Variants in TAF1C observed in about 807,000 individuals in gnomAD.
The protein encoded by TAF1C is TATA-box binding protein associated factor, RNA polymerase I subunit C, also known as TATA box-binding protein-associated factor RNA polymerase I subunit C.
In TAF1C, 79 loss-of-function variants were observed where a neutral mutation model predicts 70.5. The observed-to-expected ratio is 1.12, with a 90% CI of 0.93 to 1.35. The LOEUF is 1.35. TAF1C is among the 40% of genes most tolerant of loss of function. The pLI is 0.00. For synonymous variants in TAF1C, 614 were observed against 491.1 expected (o/e 1.25, Z -3.31); for missense variants, 1,412 against 1,127.8 (o/e 1.25, Z -3.61).
rs772785651 is a variant in TAF1C, at chr16:84,180,277, G to T, written c.1376C>A (p.Pro459His). ...VPMLKWNHGLPSPLLLARLLP... is the reference protein window; with the variant it reads ...VPMLKWNHGLHSPLLLARLLP... The stretch of plus-strand genomic sequence containing the variant: ...CAGTCGGGCCAGCAGGAGCGGGGAG[G>T]GGAGGCCATGGTTCCACTTCAGCAT... Residue 459 changes from proline to histidine, a missense_variant, in exon 13 of 15, where the codon CCC becomes CAC. Coordinates refer to ENST00000566732, the MANE Select transcript of TAF1C (RefSeq NM_001243156.2). 1.3e-6 allele frequency: 2 copies of T among 1,549,458 alleles called. No homozygotes were observed. The highest frequency in any genetic ancestry group is 1.7e-6 in the Non-Finnish European group (2 of 1,148,342).
rs1042376790 is a variant in TAF1C at position 84,180,308 on chromosome 16, C to A, written c.1345G>T (p.Val449Leu). Reference protein sequence around the residue: ...LYLVDERLPLVPMLKWNHGLP... With the variant: ...LYLVDERLPLLPMLKWNHGLP... ...CCATGGTTCCACTTCAGCATCGGCA[C>A]CAGGGGAAGGCGCTCGTCCACTAGG... is the stretch of plus-strand genomic sequence containing the variant. The change falls in exon 13 of 15, where the codon GTG (valine) becomes TTG (leucine). Residue 449 changes from valine (V) to leucine (L), a missense_variant. Transcript: ENST00000566732. 6 of 1,547,930 alleles carry A rather than the reference C, an allele frequency of 3.9e-6. No homozygotes were observed. Among genetic ancestry groups the A allele is most frequent in the South Asian group, 1.2e-5 (1 of 84,006 alleles).
Position 84,178,368 on chromosome 16 carries a change from G to A in TAF1C, c.*573C>T, listed in dbSNP as rs907233419. 2.2e-6 allele frequency: 1 copy of A among 456,862 alleles called. No individual in the cohort carries two copies. The highest frequency in any genetic ancestry group is 4.4e-6 in the Non-Finnish European group (1 of 227,262). The allele number at this position is 456,862 out of a possible 1,614,324, so 28.3% of individuals were successfully genotyped here. A position where few individuals can be genotyped will look rare whatever the true frequency, so the allele number is the denominator to read the frequency against. Reference sequence around the variant, plus strand: ...GGACGCTGTCCAGCCTAAAAAACGTGACCATTCCAATTCATCTTCAGCTGC... The same window carrying A: ...GGACGCTGTCCAGCCTAAAAAACGTAACCATTCCAATTCATCTTCAGCTGC... On this transcript the variant is annotated 3_prime_UTR_variant, in exon 15 of 15. Transcript: ENST00000566732.
At position 84,181,366 on chromosome 16, in the gene TAF1C, C is replaced by G. The variant is rs751167821; in HGVS notation, c.1126G>C (p.Val376Leu). 4 of 1,613,640 alleles carry G rather than the reference C, an allele frequency of 2.5e-6. No homozygotes were observed. The highest frequency in any genetic ancestry group is 3.4e-6 in the Non-Finnish European group (4 of 1,179,978). The change falls in exon 11 of 15, where the codon GTG (valine) becomes CTG (leucine). Residue 376 changes from valine to leucine, a missense_variant. Val to Leu is a conservative substitution (Grantham distance 32, BLOSUM62 1). Transcript: ENST00000566732. Reference protein sequence around the residue: ...DFTAHPRVLTVGDRTGVKMLD... With the variant: ...DFTAHPRVLTLGDRTGVKMLD... ...ATCTTCACTCCGGTGCGGTCACCCACGGTCAGCACCCGAGGGTGCGCAGTG... is the reference window on the plus strand; with the variant it reads ...ATCTTCACTCCGGTGCGGTCACCCAGGGTCAGCACCCGAGGGTGCGCAGTG...
Position 84,181,991 on chromosome 16 carries a change from C to G in TAF1C, c.789G>C (p.Gln263His). The change falls in exon 8 of 15, where the codon CAG becomes CAC. Residue 263 changes from glutamine to histidine, a missense_variant. By Grantham distance (24) the Gln-to-His change is conservative (BLOSUM62 0). Transcript: ENST00000566732. ...PQFLGKPGRI[Q>H]LQGPVRQVVT... is the part of the protein sequence containing the mutation. ...CCACTTGCCGGACAGGTCCCTGGAG[C>G]TGGATGCGTCCAGGTTTCCCAAGGA... The G allele has an allele frequency of 6.2e-7, 1 of 1,613,802 alleles. No homozygotes were observed. Among genetic ancestry groups the G allele is most frequent in the South Asian group, 1.1e-5 (1 of 91,084 alleles).
Position 84,181,384 on chromosome 16 carries a change from G to A in TAF1C, c.1108C>T (p.His370Tyr). The change falls in exon 11 of 15, where the codon CAC becomes TAC. Residue 370 changes from histidine to tyrosine, a missense_variant. Physicochemically the swap from His to Tyr is moderately conservative, Grantham distance 83. Coordinates refer to ENST00000566732, the MANE Select transcript of TAF1C (RefSeq NM_001243156.2). The part of the protein sequence containing the change: ...SSWRWADFTA[H>Y]PRVLTVGDRT... ...TCACCCACGGTCAGCACCCGAGGGT[G>A]CGCAGTGAAGTCTGCCCAACGCCAC... 1.2e-6 allele frequency: 2 copies of A among 1,613,864 alleles called. No homozygotes were observed. The highest frequency in any genetic ancestry group is 1.7e-6 in the Non-Finnish European group (2 of 1,179,998).
In TAF1C at chr16:84,178,971, G is replaced by T; in HGVS notation, c.2502C>A (p.Pro834=). 6.2e-7 allele frequency: 1 copy of T among 1,610,626 alleles called. No individual in the cohort carries two copies. The highest frequency in any genetic ancestry group is 8.5e-7 in the Non-Finnish European group (1 of 1,179,682). Reference sequence around the variant, plus strand: ...AGCCCATTCGAGGCTTCTTCCGGAGGGGCTGAGAGCTAGAGAGGACGGGTG... The same window carrying T: ...AGCCCATTCGAGGCTTCTTCCGGAGTGGCTGAGAGCTAGAGAGGACGGGTG... ...QHTPVLSSSQ[P]LRKKPRMGF Residue 834 remains proline (P), a synonymous_variant, in exon 15 of 15, where the codon CCC becomes CCA. Coordinates refer to ENST00000566732, the MANE Select transcript of TAF1C (RefSeq NM_001243156.2).
Position 84,177,968 on chromosome 16 carries a change from C to T in TAF1C, c.*973G>A, listed in dbSNP as rs768072334. On this transcript the variant is annotated 3_prime_UTR_variant, in exon 15 of 15. Transcript: ENST00000566732. ...AGCTCCTGTTTGTGTGAGTCACATG[C>T]AATTCCTTTCACCAGCCAACCTGAA... The T allele has an allele frequency of 8.7e-6, 7 of 804,396 alleles. No homozygotes were observed. The highest frequency in any genetic ancestry group is 1.3e-5 in the Non-Finnish European group (6 of 476,166). 49.8% of individuals were successfully genotyped at this position (804,396 alleles called of 1,614,324 possible). A position where few individuals can be genotyped will look rare whatever the true frequency, so the allele number is the denominator to read the frequency against.
At chr16:84,183,635 G>A (rs1369518599) in intron 3 of TAF1C, 62 bp downstream of exon 3, 35 of 1,556,370 alleles carry the variant, frequency 2.2e-5, no homozygotes, top group East Asian at 4.5e-5. Flanking sequence ...TCTCAGGAGC[G>A]GGAGCAGTGG....
At chr16:84,180,129 C>A in intron 13 of TAF1C, 41 bp downstream of exon 13, 1 of 1,565,520 alleles carries the variant, frequency 6.4e-7, no homozygotes, top group Non-Finnish European at 8.6e-7. Context: ...CCCCGACCGC[C>A]CCATCTCCCA....
Position 84,181,422 on chromosome 16 carries a change from CG to C in TAF1C, c.1069del (p.Arg357GlyfsTer18). On this transcript the variant is annotated frameshift_variant, in exon 11 of 15. Transcript: ENST00000566732. LOFTEE classifies it high-confidence loss of function. ...IYRDPETLVF[R>X]DSSSWRWADF... ...TGCCCAACGCCACGAAGAGGAGTCC[CG>C]GAACACGAGGGTCTCAGGGTCCCTG... is the stretch of plus-strand genomic sequence containing the variant. The C allele has an allele frequency of 6.2e-7, 1 of 1,613,842 alleles. No individual in the cohort carries two copies. Among genetic ancestry groups the C allele is most frequent in the Non-Finnish European group, 8.5e-7 (1 of 1,180,016 alleles).
chr16:84,180,849 G>A, intron 12 of TAF1C, 194 bp downstream of exon 12: 1 of 1,408,604 alleles, frequency 7.1e-7, no homozygotes, highest in Non-Finnish European at 9.2e-7. Context: ...GGAGGCCCTG[G>A]GAGAGCTTCC....
rs779478536 is a variant in TAF1C, at chr16:84,181,200, A to T, written c.1165-14T>A. On this transcript the variant is annotated splice_polypyrimidine_tract_variant and intron_variant, in intron 11 of 14. Transcript: ENST00000566732. ...GCCCGGCGGGCCCTGGAAGATAAACACAGGGTCAGCCCTCCCCACAGTCCC... is the reference window on the plus strand; with the variant it reads ...GCCCGGCGGGCCCTGGAAGATAAACTCAGGGTCAGCCCTCCCCACAGTCCC... The T allele has an allele frequency of 6.2e-7, 1 of 1,600,116 alleles. No individual in the cohort carries two copies. The highest frequency in any genetic ancestry group is 8.6e-7 in the Non-Finnish European group (1 of 1,169,326).
At chr16:84,181,010 AG>A in intron 12 of TAF1C, 32 bp downstream of exon 12, 1 of 1,581,896 alleles carries the variant, frequency 6.3e-7, no homozygotes, top group Non-Finnish European at 8.6e-7. Flanking sequence ...GACAGAGCAG[AG>A]GTGGGGCGGG....
Position 84,182,932 on chromosome 16 carries a change from T to A in TAF1C, c.482+144A>T. ...CCCTGAGATGATTTGGAGTTGGAAG[T>A]CTGGTATAAGAAAGTACAGCTCAGA... On this transcript the variant is annotated intron_variant, in intron 6 of 14. Transcript: ENST00000566732. The surrounding 1 kb of genome is among the most constrained non-coding windows in gnomAD (Gnocchi z 5.0). The A allele has an allele frequency of 1.3e-6, 1 of 770,232 alleles. No individual in the cohort carries two copies. The highest frequency in any genetic ancestry group is 1.7e-5 in the South Asian group (1 of 58,614). 47.7% of individuals were successfully genotyped at this position (770,232 alleles called of 1,614,324 possible). A position where few individuals can be genotyped will look rare whatever the true frequency, so the allele number is the denominator to read the frequency against.
Position 84,180,080 on chromosome 16 carries a change from TCTC to T in TAF1C, c.1484_1486del (p.Gly495del), listed in dbSNP as rs778862972. ...TGCCAGGCGGGGCACCGACGCCCCTTCTCCTGAGGAAGGACAGACAGCTGAGGC... is the reference window on the plus strand; with the variant it reads ...TGCCAGGCGGGGCACCGACGCCCCTTCTGAGGAAGGACAGACAGCTGAGGC... On this transcript the variant is annotated inframe_deletion and splice_region_variant, in exon 14 of 15. Coordinates refer to ENST00000566732, the MANE Select transcript of TAF1C (RefSeq NM_001243156.2). 1.9e-6 allele frequency: 3 copies of T among 1,594,128 alleles called. No individual in the cohort carries two copies. Among genetic ancestry groups the T allele is most frequent in the African/African-American group, 2.7e-5 (2 of 74,370 alleles).
intron 4 of TAF1C, 23 bp from the exon 5 acceptor site, chr16:84,183,356 T>TCA: frequency 6.2e-7 from 1 of 1,613,858 alleles, no homozygotes; most frequent in Non-Finnish European, 8.5e-7. Context: ...GGAGGCCAGG[T>TCA]CACTAAGCAC....
Position 84,179,086 on chromosome 16 carries a change from A to T in TAF1C, c.2387T>A (p.Leu796Gln), listed in dbSNP as rs760062014. ...GCCTGGGGTGTCCCTCTGGGGTGGT[A>T]GCTTGGCCATGTAGTCACGGAGCAT... is the stretch of plus-strand genomic sequence containing the variant. The part of the protein sequence containing the change: ...RQMLRDYMAK[L>Q]PPQRDTPGCA... The change falls in exon 15 of 15, where the codon CTA (leucine) becomes CAA (glutamine). Residue 796 changes from leucine (L) to glutamine (Q), a missense_variant. By Grantham distance (113) the Leu-to-Gln change is moderately radical. Transcript: ENST00000566732. The T allele has an allele frequency of 6.2e-7, 1 of 1,610,540 alleles. No homozygotes were observed. The highest frequency in any genetic ancestry group is 2.2e-5 in the East Asian group (1 of 44,824).
intron 2 of TAF1C, 69 bp from the exon 3 acceptor site, chr16:84,183,847 C>G: frequency 1.6e-6 from 2 of 1,212,866 alleles, no homozygotes; most frequent in South Asian, 1.4e-5. Flanking sequence ...TGTGCACAGG[C>G]ATTCATCTCT....
Position 84,179,686 on chromosome 16 carries a change from T to C in TAF1C, c.1787A>G (p.His596Arg), listed in dbSNP as rs201801201. 8.7e-6 allele frequency: 14 copies of C among 1,612,582 alleles called. No individual in the cohort carries two copies. The highest frequency in any genetic ancestry group is 3.3e-5 in the Admixed American group (2 of 59,994). The change falls in exon 15 of 15, where the codon CAT becomes CGT. Residue 596 changes from histidine to arginine, a missense_variant. Transcript: ENST00000566732. ...GPPGDTQPDCHAPTASWTSQD... is the reference protein window; with the variant it reads ...GPPGDTQPDCRAPTASWTSQD... ...GGAGGTCCAGGAAGCTGTGGGGGCA[T>C]GGCAGTCAGGTTGGGTGTCGCCAGG...
Sources: gnomAD v4.1 joint callset for allele counts on GRCh38, gnomAD v4.1.1 for gene constraint, Gnocchi (gnomAD v3.1) non-coding constraint, MANE v1.5 for transcripts, NCBI Gene and HGNC (gene_info 2026-07-23, HGNC 2026-07-21) for gene names.